Variants in TEKT1 observed in about 807,000 individuals in gnomAD.
TEKT1 encodes the protein tektin-1.
In TEKT1, 32 loss-of-function variants were observed where a neutral mutation model predicts 34.8. The observed-to-expected ratio is 0.92, with a 90% confidence interval of 0.69 to 1.23. The LOEUF (loss-of-function observed/expected upper bound fraction) is 1.23, where lower values mean the gene tolerates loss of function less well. TEKT1 is among the 50% of genes most tolerant of loss of function. The pLI is 0.00. For synonymous variants in TEKT1, 207 were observed against 199.8 expected, an observed-to-expected ratio of 1.04 and a Z score of -0.30; for missense variants, 492 against 518.5, an observed-to-expected ratio of 0.95 and a Z score of 0.50.
intron 6 of TEKT1, among the ~76,000 whole-genome samples, chr17:6,806,261 T>C (rs1181669821): frequency 1.3e-5 from 2 of 152,204 alleles, no homozygotes; most frequent in Non-Finnish European, 2.9e-5. Context: ...TGGTTTAAAG[T>C]CTGTTTTATC....
Position 6,815,978 on chromosome 17 carries a change from G to A in TEKT1, c.357-16C>T. 6.2e-7 allele frequency: 1 copy of A among 1,612,980 alleles called. No homozygotes were observed. Among genetic ancestry groups the A allele is most frequent in the Non-Finnish European group, 8.5e-7 (1 of 1,179,968 alleles). ...GCGCTTCTCCCTGGCAGGGGGAAAG[G>A]CAGCCAGTCAGCCAACACGTGCAAC... On this transcript the variant is annotated splice_polypyrimidine_tract_variant and intron_variant, in intron 3 of 7. Coordinates refer to ENST00000338694, the MANE Select transcript of TEKT1 (RefSeq NM_053285.2).
At chr17:6,809,031 A>C (rs188800028) in intron 6 of TEKT1, among the ~76,000 whole-genome samples, 260 of 152,322 alleles carry the variant, frequency 1.7e-3, no homozygotes, top group Non-Finnish European at 2.9e-3. Flanking sequence ...TTAAGTTTAA[A>C]GAAAAATTGA....
chr17:6,805,008 C>A (rs954476032), intron 6 of TEKT1, among the ~76,000 whole-genome samples: 1 of 152,114 alleles, frequency 6.6e-6, no homozygotes, highest in Non-Finnish European at 1.5e-5. Context: ...CCATCTTTTT[C>A]TATTGATTGG....
Position 6,828,007 on chromosome 17 carries a change from C to T in TEKT1, c.190+2180G>A, listed in dbSNP as rs181666342. 5.2e-3 allele frequency among the ~76,000 whole-genome samples: 775 copies of T among 150,466 alleles called. 2 individuals carry two copies. Among genetic ancestry groups the T allele is most frequent in the Non-Finnish European group, 8.2e-3 (552 of 67,670 alleles). ...TCACCCAGGCTGGAGTGCAGTGGCA[C>T]GATCTCGGCTCACTGCAACCTCCAC... On this transcript the variant is annotated intron_variant, in intron 2 of 7. Coordinates refer to ENST00000338694, the MANE Select transcript of TEKT1 (RefSeq NM_053285.2).
intron 6 of TEKT1, among the ~76,000 whole-genome samples, chr17:6,806,493 A>G (rs1458027759): frequency 3.3e-5 from 5 of 152,122 alleles, no homozygotes; most frequent in Admixed American, 1.3e-4. Flanking sequence ...GTTATGTGTG[A>G]ATTTGATCCT....
intron 2 of TEKT1, among the ~76,000 whole-genome samples, chr17:6,822,620 G>A (rs28564773): frequency 0.047 from 7,128 of 151,998 alleles, 529 homozygotes; most frequent in African/African-American, 0.16. Context: ...TTCTAAGAAC[G>A]CTTGTTCTCC....
intron 2 of TEKT1, among the ~76,000 whole-genome samples, chr17:6,820,957 C>T (rs979322925): frequency 6.6e-6 from 1 of 152,202 alleles, no homozygotes; most frequent in Non-Finnish European, 1.5e-5. Flanking sequence ...CCCTGAGTTA[C>T]AGTTTGTAAC....
Position 6,800,238 on chromosome 17 carries a change from G to T in TEKT1, c.1050-4C>A. 1 of 1,611,762 alleles carries T rather than the reference G, an allele frequency of 6.2e-7. No individual in the cohort carries two copies. Among genetic ancestry groups the T allele is most frequent in the South Asian group, 1.1e-5 (1 of 90,710 alleles). On this transcript the variant is annotated splice_region_variant and splice_polypyrimidine_tract_variant and intron_variant, in intron 7 of 7. Coordinates refer to ENST00000338694, the MANE Select transcript of TEKT1 (RefSeq NM_053285.2). ...TTGGGCTAAAGTTTCCTTCAATCTA[G>T]GAGAAAGGGAAGAAGAGAAGAGAAT...
At chr17:6,809,791 C>T (rs1976901863) in intron 6 of TEKT1, among the ~76,000 whole-genome samples, 1 of 152,162 alleles carries the variant, frequency 6.6e-6, no homozygotes, top group Admixed American at 6.5e-5. Flanking sequence ...TAGCAATACG[C>T]ATTTAAAGTT....
intron 5 of TEKT1, 115 bp from the exon 6 acceptor site, chr17:6,813,168 C>A: frequency 2.3e-6 from 2 of 851,870 alleles, no homozygotes; most frequent in Non-Finnish European, 3.6e-6. Context: ...GTTACCCTAT[C>A]TCTAGGCAGA....
intron 6 of TEKT1, among the ~76,000 whole-genome samples, chr17:6,801,947 T>C (rs528616527): frequency 2.1e-4 from 32 of 152,346 alleles, no homozygotes; most frequent in Non-Finnish European, 4.0e-4. Flanking sequence ...TCCATCAGCT[T>C]AGTTATTTTA....
At chr17:6,830,414 T>G in intron 1 of TEKT1, 21 bp from the exon 2 acceptor site, 1 of 1,474,296 alleles carries the variant, frequency 6.8e-7, no homozygotes, top group Non-Finnish European at 9.1e-7. Context: ...GCAGACTCTT[T>G]TAGATTAAAT....
intron 5 of TEKT1, among the ~76,000 whole-genome samples, chr17:6,814,301 G>C (rs1976972167): frequency 1.3e-5 from 2 of 152,140 alleles, no homozygotes; most frequent in South Asian, 4.1e-4. Flanking sequence ...CAATGAGAAT[G>C]CTTCAAACTT....
chr17:6,820,878 G>T (rs1025797420), intron 2 of TEKT1, among the ~76,000 whole-genome samples: 3 of 152,178 alleles, frequency 2.0e-5, no homozygotes, highest in African/African-American at 7.2e-5. Context: ...GTGAGGTAAA[G>T]TTTTTGAAAA....
Position 6,811,988 on chromosome 17 carries a change from C to T in TEKT1, c.852+843G>A, listed in dbSNP as rs2151585357. Among the ~76,000 whole-genome samples the T allele has an allele frequency of 6.6e-6, 1 of 152,206 alleles. No individual in the cohort carries two copies. The highest frequency in any genetic ancestry group is 2.1e-4 in the South Asian group (1 of 4,814). On this transcript the variant is annotated intron_variant, in intron 6 of 7. Coordinates refer to ENST00000338694, the MANE Select transcript of TEKT1 (RefSeq NM_053285.2). The surrounding 1 kb of genome is among the most constrained non-coding windows in gnomAD (Gnocchi z 4.4). ...ATATGGTTTGGCTCTGTGTCCCCAC[C>T]CAAATCTCATCTTGCATTGTAATCC...
chr17:6,800,355 C>G, intron 7 of TEKT1, 121 bp from the exon 8 acceptor site: 1 of 753,030 alleles, frequency 1.3e-6, no homozygotes, highest in Non-Finnish European at 2.1e-6. Flanking sequence ...TCCCCTTCCT[C>G]TCTCCTCATG....
chr17:6,830,472 T>A lies in TEKT1; in HGVS notation c.-17-79A>T, dbSNP rs978896743. ...TGATAATTTTTATTCAAGGATGACATATATACGGAAAATTGCATAAATCAT... is the reference window on the plus strand; with the variant it reads ...TGATAATTTTTATTCAAGGATGACAAATATACGGAAAATTGCATAAATCAT... On this transcript the variant is annotated intron_variant, in intron 1 of 7. Coordinates refer to ENST00000338694, the MANE Select transcript of TEKT1 (RefSeq NM_053285.2). 7 of 991,914 alleles carry A rather than the reference T, an allele frequency of 7.1e-6. No homozygotes were observed. The African/African-American group carries it at 1.2e-4, about 17-fold the overall frequency. The allele number at this position is 991,914 out of a possible 1,614,324, so 61.4% of individuals were successfully genotyped here.
At chr17:6,812,742 C>G in intron 6 of TEKT1, 89 bp downstream of exon 6, 1 of 1,290,038 alleles carries the variant, frequency 7.8e-7, no homozygotes, top group Non-Finnish European at 1.1e-6. Flanking sequence ...GCCCAGAAGT[C>G]TAGCGGTCTG....
intron 6 of TEKT1, among the ~76,000 whole-genome samples, chr17:6,812,455 G>A (rs914220426): frequency 6.6e-6 from 1 of 152,134 alleles, no homozygotes; most frequent in Non-Finnish European, 1.5e-5. Flanking sequence ...GTCCTAAAGG[G>A]CACGTGAGAG....
Sources: allele counts gnomAD v4.1 joint callset (sites outside exome capture counted in the v4.1 genomes callset), GRCh38; gene constraint gnomAD v4.1.1; non-coding constraint Gnocchi (gnomAD v3.1); transcripts MANE v1.5; gene names NCBI Gene and HGNC (gene_info 2026-07-23, HGNC 2026-07-21).